The following ARHGEF28 variants were observed in gnomAD, a reference collection of about 807,000 sequenced individuals.
The protein encoded by ARHGEF28 is Rho guanine nucleotide exchange factor 28.
Under a neutral mutation model 206.6 loss-of-function variants are expected in ARHGEF28, and 152 were observed. The observed-to-expected ratio is 0.74, with a 90% CI of 0.64 to 0.84. The LOEUF is 0.84. ARHGEF28 is among the 40% of genes least tolerant of loss of function. The pLI is 0.00. For missense variants in ARHGEF28, 2,028 were observed against 2,073.2 expected (o/e 0.98, Z 0.42); for synonymous variants, 763 against 776.4 (o/e 0.98, Z 0.29).
rs35528097 is a variant in ARHGEF28 at position 73,674,008 on chromosome 5, T to TAAA, written c.-11-10819_-11-10817dup. On this transcript the variant is annotated intron_variant, in intron 1 of 35. Coordinates refer to ENST00000513042, the MANE Select transcript of ARHGEF28 (RefSeq NM_001177693.2). ...GCAACAGAGTGACACTCCATCTCTT[T>TAAA]AAAAAAAAAAAAAAAAGGTGGGTGT... 5.8e-3 allele frequency among the ~76,000 whole-genome samples: 782 copies of TAAA among 134,344 alleles called. 12 individuals are homozygous for TAAA. The highest frequency in any genetic ancestry group is 0.021 in the African/African-American group (745 of 36,072). 88.1% of individuals were successfully genotyped at this position (134,344 alleles called of 152,430 possible).
At chr5:73,799,102 G>T (rs189398838) in intron 9 of ARHGEF28, among the ~76,000 whole-genome samples, 72 of 152,098 alleles carry the variant, frequency 4.7e-4, no homozygotes, top group African/African-American at 1.7e-3. Context: ...AAACAAATAG[G>T]AACTGCTTAA....
rs184894026 is a variant in ARHGEF28, at chr5:73,936,230, G to A, written c.4949-4614G>A. On this transcript the variant is annotated intron_variant, in intron 35 of 35. Coordinates refer to ENST00000513042, the MANE Select transcript of ARHGEF28 (RefSeq NM_001177693.2). Reference sequence around the variant, plus strand: ...ACTCTTAAGTTTGCTGTTCGTAGGAGGGCAGATCAACTGCGGAGTTTGATT... The same window carrying A: ...ACTCTTAAGTTTGCTGTTCGTAGGAAGGCAGATCAACTGCGGAGTTTGATT... Among the ~76,000 whole-genome samples the A allele has an allele frequency of 8.5e-5, 13 of 152,256 alleles. No individual in the cohort carries two copies. The East Asian group carries it at 2.5e-3, about 29-fold the overall frequency.
chr5:73,746,393 GAAGAA>G (rs1236049816), intron 2 of ARHGEF28, among the ~76,000 whole-genome samples: 2 of 151,994 alleles, frequency 1.3e-5, no homozygotes, highest in Admixed American at 6.5e-5. Flanking sequence ...TGATAGAAGA[GAAGAA>G]ACCACACAGT....
rs1430631174 is a variant in ARHGEF28 at position 73,857,672 on chromosome 5, T to C, written c.1807T>C (p.Trp603Arg). The C allele has an allele frequency of 6.3e-7, 1 of 1,583,748 alleles. No homozygotes were observed. Among genetic ancestry groups the C allele is most frequent in the African/African-American group, 1.3e-5 (1 of 74,222 alleles). The change falls in exon 15 of 36, where the codon TGG becomes CGG. Residue 603 changes from tryptophan (W) to arginine (R), a missense_variant. By Grantham distance (101) the Trp-to-Arg change is moderately radical. This residue lies in a region of ARHGEF28 where 1,002 missense variants were observed against 1,015.3 expected (regional missense o/e 0.99). Transcript: ENST00000513042. ...TTTTTGTAGAATTCAGGAAGAAGAA[T>C]GGGATAAATACATCATACCTGCCAA... Reference protein sequence around the residue: ...PRENRIQEEEWDKYIIPAKSE... With the variant: ...PRENRIQEEERDKYIIPAKSE...
chr5:73,939,769 G>T (rs760691063), intron 35 of ARHGEF28, among the ~76,000 whole-genome samples: 9 of 152,214 alleles, frequency 5.9e-5, no homozygotes, highest in Non-Finnish European at 1.2e-4. Context: ...GAGGGCAAAG[G>T]CCACAAGCAT....
At chr5:73,863,701 A>C (rs2973561) in intron 16 of ARHGEF28, among the ~76,000 whole-genome samples, 47,065 of 149,972 alleles carry the variant, frequency 0.31, 8,100 homozygotes, top group Admixed American at 0.41. Context: ...TCTAGTATTC[A>C]GTGGTTGCTT....
At chr5:73,838,638 G>T (rs1230840742) in intron 10 of ARHGEF28, among the ~76,000 whole-genome samples, 1 of 152,096 alleles carries the variant, frequency 6.6e-6, no homozygotes, top group African/African-American at 2.4e-5. Flanking sequence ...CTGAGTGGGT[G>T]GTTATGTGTG....
chr5:73,749,455 A>C (rs1364462256), intron 2 of ARHGEF28, among the ~76,000 whole-genome samples: 1 of 152,172 alleles, frequency 6.6e-6, no homozygotes, highest in African/African-American at 2.4e-5. Context: ...TTGCTTGCGC[A>C]GAGGAGTTTA....
At position 73,870,071 on chromosome 5, in the gene ARHGEF28, G is replaced by A. The variant is rs1210416561; in HGVS notation, c.2428G>A (p.Val810Ile). The A allele has an allele frequency of 2.5e-6, 4 of 1,612,522 alleles. No individual in the cohort carries two copies. The highest frequency in any genetic ancestry group is 3.4e-5 in the Admixed American group (2 of 59,580). Reference sequence around the variant, plus strand: ...TTTCTTTTCTAAACACACATTAGATGTTGTGGATTCTTCTCTGTGGAGTGA... The same window carrying A: ...TTTCTTTTCTAAACACACATTAGATATTGTGGATTCTTCTCTGTGGAGTGA... ...PSTESFIMEDVVDSSLWSDLS... is the reference protein window; with the variant it reads ...PSTESFIMEDIVDSSLWSDLS... The change falls in exon 21 of 36, where the codon GTT becomes ATT. Residue 810 changes from valine (V) to isoleucine (I), a missense_variant and splice_region_variant. Val to Ile is a conservative substitution (Grantham distance 29). Transcript: ENST00000513042.
intron 35 of ARHGEF28, among the ~76,000 whole-genome samples, chr5:73,918,801 T>A (rs413978): frequency 0.42 from 63,525 of 152,042 alleles, 14,522 homozygotes; most frequent in South Asian, 0.63. Flanking sequence ...CATGCTTCCC[T>A]TAGCTGGCTA....
intron 2 of ARHGEF28, among the ~76,000 whole-genome samples, chr5:73,690,125 T>C (rs1747723698): frequency 6.6e-6 from 1 of 152,142 alleles, no homozygotes; most frequent in Non-Finnish European, 1.5e-5. Flanking sequence ...AGATTATTGC[T>C]CTTAGTCTTC....
chr5:73,925,576 G>A (rs949571495), intron 35 of ARHGEF28, among the ~76,000 whole-genome samples: 7 of 152,178 alleles, frequency 4.6e-5, no homozygotes, highest in African/African-American at 1.7e-4. Context: ...TCAAGGCACA[G>A]AGCACTCTGT....
chr5:73,695,154 A>AAGGCC (rs1054103691), intron 2 of ARHGEF28, among the ~76,000 whole-genome samples: 1 of 152,084 alleles, frequency 6.6e-6, no homozygotes, highest in Non-Finnish European at 1.5e-5. Context: ...GAGGGAGGGG[A>AAGGCC]GAGGAGAGGA....
At chr5:73,794,608 C>CTTTTTTTTTT in intron 8 of ARHGEF28, among the ~76,000 whole-genome samples, 154 bp downstream of exon 8, 1 of 132,586 alleles carries the variant, frequency 7.5e-6, no homozygotes, top group Non-Finnish European at 1.6e-5. Context: ...CTTTTTCTTT[C>CTTTTTTTTTT]TTTTTTTTTT....
chr5:73,762,471 A>C (rs6860711), intron 4 of ARHGEF28, among the ~76,000 whole-genome samples: 4,246 of 151,270 alleles, frequency 0.028, 147 homozygotes, highest in African/African-American at 0.078. Flanking sequence ...AAAAAAAAAA[A>C]AAAACAAAAC....
intron 10 of ARHGEF28, among the ~76,000 whole-genome samples, chr5:73,833,498 G>A (rs1325408188): frequency 2.6e-5 from 4 of 151,922 alleles, no homozygotes; most frequent in Non-Finnish European, 5.9e-5. Flanking sequence ...CAATAAATCA[G>A]AATGGACTTC....
At chr5:73,749,144 C>A (rs1751895890) in intron 2 of ARHGEF28, among the ~76,000 whole-genome samples, 1 of 152,148 alleles carries the variant, frequency 6.6e-6, no homozygotes. Context: ...ACTTGGAAAC[C>A]CCTCAGAGAA....
At chr5:73,679,177 T>C (rs973421190) in intron 1 of ARHGEF28, among the ~76,000 whole-genome samples, 1 of 152,360 alleles carries the variant, frequency 6.6e-6, no homozygotes, top group South Asian at 2.1e-4. Flanking sequence ...TCTCCAAAAA[T>C]TTACAGAATG....
chr5:73,853,619 T>C (rs1388100867), intron 14 of ARHGEF28, among the ~76,000 whole-genome samples: 2 of 152,166 alleles, frequency 1.3e-5, no homozygotes, highest in African/African-American at 4.8e-5. Flanking sequence ...CCTTGAAAGA[T>C]AGGATGATGA....
Sources: allele counts gnomAD v4.1 joint callset (sites outside exome capture counted in the v4.1 genomes callset), GRCh38; gene constraint gnomAD v4.1.1; regional missense constraint gnomAD v4.1.1; transcripts MANE v1.5; gene names NCBI Gene and HGNC (gene_info 2026-07-23, HGNC 2026-07-21).